DLGAP1: variants seen among roughly 807,000 people sequenced by gnomAD.
DLGAP1 encodes disks large-associated protein 1.
DLGAP1 carries 11 observed loss-of-function variants against 90.8 expected under a neutral mutation model. That is an observed-to-expected ratio of 0.12 (90% CI 0.08 to 0.20). The LOEUF is 0.20. DLGAP1 is among the 10% of genes least tolerant of loss of function. The pLI is 1.00. For missense variants in DLGAP1, 1,050 were observed against 1,333.8 expected (o/e 0.79, Z 3.31); for synonymous variants, 558 against 540.7 (o/e 1.03, Z -0.44).
intron 3 of DLGAP1, among the ~76,000 whole-genome samples, chr18:4,003,111 G>A (rs1220827922): frequency 6.6e-6 from 1 of 152,186 alleles, no homozygotes; most frequent in African/African-American, 2.4e-5. Context: ...TAGAGGATAA[G>A]TCTTAGAGAA....
chr18:3,720,894 A>AAAAAAAAAAAAAAAG, intron 7 of DLGAP1, among the ~76,000 whole-genome samples: 1 of 145,538 alleles, frequency 6.9e-6, no homozygotes, highest in East Asian at 2.0e-4. Context: ...TCTACAAAAA[A>AAAAAAAAAAAAAAAG]AAAAAAAAAA....
At chr18:4,275,731 A>C (rs1032138234) in intron 1 of DLGAP1, among the ~76,000 whole-genome samples, 8 of 152,176 alleles carry the variant, frequency 5.3e-5, no homozygotes, top group African/African-American at 1.9e-4. Flanking sequence ...CGATGTGTTA[A>C]AATTTATGTG....
intron 4 of DLGAP1, among the ~76,000 whole-genome samples, chr18:3,818,396 G>A (rs1013814829): frequency 1.7e-5 from 2 of 116,622 alleles, no homozygotes; most frequent in African/African-American, 3.3e-5. Context: ...GTCTTGCTCT[G>A]TTGCCTGAGC....
At chr18:4,326,135 A>G (rs1336476370) in intron 1 of DLGAP1, among the ~76,000 whole-genome samples, 13 of 152,152 alleles carry the variant, frequency 8.5e-5, no homozygotes, top group Non-Finnish European at 1.5e-5. Flanking sequence ...TAATATCCAG[A>G]ATCTATAAGA....
At chr18:3,877,395 T>C (rs981955909) in intron 4 of DLGAP1, among the ~76,000 whole-genome samples, 1 of 152,256 alleles carries the variant, frequency 6.6e-6, no homozygotes, top group Non-Finnish European at 1.5e-5. Context: ...CATCCTTTAC[T>C]CTGATACTTC....
At chr18:3,689,179 T>C (rs1310392357) in intron 7 of DLGAP1, among the ~76,000 whole-genome samples, 1 of 152,236 alleles carries the variant, frequency 6.6e-6, no homozygotes, top group Non-Finnish European at 1.5e-5. Flanking sequence ...TTACTTGCAA[T>C]GCAGGATCTG....
At chr18:4,088,429 T>TCGTGTGTGTG (rs71160943) in intron 2 of DLGAP1, among the ~76,000 whole-genome samples, 4 of 148,346 alleles carry the variant, frequency 2.7e-5, no homozygotes, top group African/African-American at 5.2e-5. Flanking sequence ...TAATTTTCCT[T>TCGTGTGTGTG]TGTGTGTGTG....
chr18:4,305,910 T>TTA (rs75639780), intron 1 of DLGAP1, among the ~76,000 whole-genome samples: 5 of 40,316 alleles, frequency 1.2e-4, no homozygotes, highest in East Asian at 4.4e-3. Context: ...ATGATTATTA[T>TTA]TTTTTTTTTG....
chr18:4,218,187 T>C (rs957036131), intron 1 of DLGAP1, among the ~76,000 whole-genome samples: 11 of 152,022 alleles, frequency 7.2e-5, no homozygotes, highest in African/African-American at 2.6e-4. Context: ...CTTTGCTTCT[T>C]TGTCAAGGAT....
chr18:3,833,483 C>T (rs1487388130), intron 4 of DLGAP1, among the ~76,000 whole-genome samples: 1 of 152,164 alleles, frequency 6.6e-6, no homozygotes, highest in Non-Finnish European at 1.5e-5. Context: ...GATCTGCCCG[C>T]CTCAGCCTCC....
chr18:4,439,276 T>G (rs957855635), intron 1 of DLGAP1, among the ~76,000 whole-genome samples: 3 of 152,246 alleles, frequency 2.0e-5, no homozygotes, highest in Non-Finnish European at 4.4e-5. Context: ...ATGATATATT[T>G]GTAGAACTCA....
intron 7 of DLGAP1, among the ~76,000 whole-genome samples, chr18:3,671,005 G>A (rs8083211): frequency 0.65 from 99,103 of 151,850 alleles, 34,285 homozygotes; most frequent in African/African-American, 0.89. Context: ...GGCTTACAAC[G>A]TTCTGGGCTA....
At chr18:4,023,765 A>G (rs1471051425) in intron 2 of DLGAP1, among the ~76,000 whole-genome samples, 3 of 152,208 alleles carry the variant, frequency 2.0e-5, no homozygotes, top group Non-Finnish European at 2.9e-5. Context: ...ATGGAAGACC[A>G]CTGAAGTCAC....
At position 3,867,622 on chromosome 18, in the gene DLGAP1, G is replaced by A. The variant is rs533755855; in HGVS notation, c.957+11490C>T. Among the ~76,000 whole-genome samples the A allele has an allele frequency of 2.8e-4, 43 of 152,302 alleles. 1 individual carries two copies. Among genetic ancestry groups the A allele is most frequent in the Admixed American group, 7.8e-4 (12 of 15,304 alleles). The stretch of plus-strand genomic sequence containing the variant: ...TCATGCCCCACTCTGGGGGCTCTGT[G>A]ATGTGGACCATGGGTGGGGCCTCGT... On this transcript the variant is annotated intron_variant, in intron 4 of 12. Transcript: ENST00000315677.
At chr18:4,307,982 T>C (rs1471295539) in intron 1 of DLGAP1, among the ~76,000 whole-genome samples, 1 of 152,188 alleles carries the variant, frequency 6.6e-6, no homozygotes, top group Admixed American at 6.5e-5. Context: ...CCCAAAGTGC[T>C]GGGATTACGG....
chr18:4,297,689 C>CT (rs2080016927), intron 1 of DLGAP1, among the ~76,000 whole-genome samples: 2 of 152,224 alleles, frequency 1.3e-5, no homozygotes, highest in South Asian at 4.2e-4. Context: ...AGGCTCTCTC[C>CT]TTTCTATTCT....
chr18:4,209,569 G>A (rs1401709620), intron 1 of DLGAP1, among the ~76,000 whole-genome samples: 1 of 152,172 alleles, frequency 6.6e-6, no homozygotes, highest in Non-Finnish European at 1.5e-5. Context: ...AATTAAAGGA[G>A]ATCATAGGCC....
chr18:3,866,610 G>A (rs1423506415), intron 4 of DLGAP1, among the ~76,000 whole-genome samples: 1 of 152,222 alleles, frequency 6.6e-6, no homozygotes, highest in Non-Finnish European at 1.5e-5. Context: ...AGTACAAAAT[G>A]CACTGGGCTA....
At chr18:3,790,074 T>C (rs2065654856) in intron 5 of DLGAP1, among the ~76,000 whole-genome samples, 1 of 152,114 alleles carries the variant, frequency 6.6e-6, no homozygotes, top group Admixed American at 6.5e-5. Flanking sequence ...AGGAGATGCC[T>C]ATTAGCCCCC....
Sources: allele counts gnomAD v4.1 joint callset (sites outside exome capture counted in the v4.1 genomes callset), GRCh38; gene constraint gnomAD v4.1.1; transcripts MANE v1.5; gene names NCBI Gene and HGNC (gene_info 2026-07-23, HGNC 2026-07-21).